Variants in AK1 observed in about 807,000 individuals in gnomAD.
The protein encoded by AK1 is adenylate kinase isoenzyme 1.
A neutral mutation model predicts 23.9 loss-of-function variants in AK1; 13 were observed. That is an observed-to-expected ratio of 0.54 (90% CI 0.35 to 0.86). The LOEUF is 0.86. Ranked by LOEUF, AK1 falls within the 40% of genes least tolerant of loss-of-function variation. The pLI, the probability that AK1 is intolerant of heterozygous loss-of-function variation, is 0.01. For synonymous variants in AK1, 97 were observed against 102.8 expected (o/e 0.94, Z 0.34); for missense variants, 214 against 255.1 (o/e 0.84, Z 1.10).
chr9:127,867,904 G>C lies in AK1; in HGVS notation c.*104C>G. 1.8e-6 allele frequency: 2 copies of C among 1,115,148 alleles called. No homozygotes were observed. Among genetic ancestry groups the C allele is most frequent in the East Asian group, 4.7e-5 (2 of 42,464 alleles). 69.1% of individuals were successfully genotyped at this position (1,115,148 alleles called of 1,614,324 possible). Reference sequence around the variant, plus strand: ...ACAGGATAAGCGGCTTCCTCCGTCTGTGCTCAGCAGGGCAGGGTGGAGGCG... The same window carrying C: ...ACAGGATAAGCGGCTTCCTCCGTCTCTGCTCAGCAGGGCAGGGTGGAGGCG... On this transcript the variant is annotated 3_prime_UTR_variant, in exon 7 of 7. Coordinates refer to ENST00000644144, the MANE Select transcript of AK1 (RefSeq NM_000476.3).
chr9:127,872,127 T>C (rs1017037661), intron 4 of AK1, among the ~76,000 whole-genome samples, 188 bp from the exon 5 acceptor site: 3 of 152,158 alleles, frequency 2.0e-5, no homozygotes, highest in Non-Finnish European at 2.9e-5. Flanking sequence ...AATGAATGAA[T>C]GATGCATTCA....
At chr9:127,878,833 G>T (rs1715233416), upstream of AK1, among the ~76,000 whole-genome samples, 1 of 152,184 alleles carries the variant, frequency 6.6e-6, no homozygotes, top group African/African-American at 2.4e-5. Context: ...GGGGTCAGAG[G>T]TGTTGCATTA....
Position 127,872,831 on chromosome 9 carries a change from G to T in AK1, c.66C>A (p.Gly22=), listed in dbSNP as rs1829447286. The change falls in exon 4 of 7, where the codon GGC becomes GGA. Residue 22 remains glycine (G), a synonymous_variant. Coordinates refer to ENST00000644144, the MANE Select transcript of AK1 (RefSeq NM_000476.3). The stretch of plus-strand genomic sequence containing the variant: ...TCTGCACGATCTTCTCACACTGGGT[G>T]CCCTTCCCTGAGCCAGGCCCACCTG... ...FVVGGPGSGK[G]TQCEKIVQKY... The T allele has an allele frequency of 6.2e-7, 1 of 1,614,096 alleles. No homozygotes were observed. The highest frequency in any genetic ancestry group is 8.5e-7 in the Non-Finnish European group (1 of 1,180,024).
At position 127,868,091 on chromosome 9, in the gene AK1, G is replaced by T; in HGVS notation, c.517-15C>A. 6.2e-7 allele frequency: 1 copy of T among 1,613,790 alleles called. No homozygotes were observed. The highest frequency in any genetic ancestry group is 8.5e-7 in the Non-Finnish European group (1 of 1,179,742). ...TCAGCGTTGACCTGTGGGGAGATGG[G>T]CCGTGAGGGCTGAGTCACCAGGTGG... On this transcript the variant is annotated splice_polypyrimidine_tract_variant and intron_variant, in intron 6 of 6. Transcript: ENST00000644144. This position sits in a 1 kb window ranked among gnomAD's most constrained non-coding sequence, Gnocchi z 4.1.
intron 2 of AK1, 86 bp from the exon 3 acceptor site, chr9:127,873,147 G>A (rs754761796): frequency 1.5e-4 from 238 of 1,565,170 alleles, no homozygotes; most frequent in Middle Eastern, 5.0e-4. Flanking sequence ...CCTGTGCTGG[G>A]CCCCAGGCGG....
In AK1 at chr9:127,874,638, C is replaced by T. The variant is rs1402383449; in HGVS notation, c.-21G>A. ...TCCATCCTGCCGAGGTCCCGGGAGC[C>T]GTGTCAGTGCTCTGTAAGACAAGGG... On this transcript the variant is annotated 5_prime_UTR_variant, in exon 2 of 7. Transcript: ENST00000644144. The T allele has an allele frequency of 2.5e-6, 4 of 1,613,842 alleles. No individual in the cohort carries two copies. Among genetic ancestry groups the T allele is most frequent in the Middle Eastern group, 1.7e-4 (1 of 5,960 alleles).
In AK1 at chr9:127,876,471, TAGC is replaced by T. The variant is rs1188589796; in HGVS notation, c.-33+1149_-33+1151del. On this transcript the variant is annotated intron_variant, in intron 1 of 6. Coordinates refer to ENST00000644144, the MANE Select transcript of AK1 (RefSeq NM_000476.3). ...CTGCTACGCTGGGCCTGGCACCCAG[TAGC>T]AGCTGAAGTGGCTTTGCTGATGCCC... Among the ~76,000 whole-genome samples the T allele has an allele frequency of 3.3e-5, 5 of 152,282 alleles. No individual in the cohort carries two copies. The East Asian group carries it at 9.7e-4, about 29-fold the overall frequency.
upstream of AK1, chr9:127,878,363 A>G (rs1015385620): frequency 6.6e-6 from 1 of 152,266 alleles, no homozygotes; most frequent in Non-Finnish European, 1.5e-5. Context: ...GATAAGAAGA[A>G]TAGCTCCCAT....
rs773795388 is a variant in AK1 at position 127,867,977 on chromosome 9, G to A, written c.*31C>T. 24 of 1,611,174 alleles carry A rather than the reference G, an allele frequency of 1.5e-5. 2 individuals are homozygous for A. In the South Asian group the frequency reaches 2.4e-4, roughly 16 times the overall value. On this transcript the variant is annotated 3_prime_UTR_variant, in exon 7 of 7. Coordinates refer to ENST00000644144, the MANE Select transcript of AK1 (RefSeq NM_000476.3). Reference sequence around the variant, plus strand: ...TCGAATCAGGACGGGGTGGGGCGGGGCTCTGAGCTGGGGAAGCGGCTCCAG... The same window carrying A: ...TCGAATCAGGACGGGGTGGGGCGGGACTCTGAGCTGGGGAAGCGGCTCCAG...
chr9:127,876,990 T>C (rs1327379368), intron 1 of AK1, among the ~76,000 whole-genome samples: 1 of 152,188 alleles, frequency 6.6e-6, no homozygotes, highest in East Asian at 1.9e-4. Context: ...GGGTGGCAAC[T>C]GACTAGGGTT....
At chr9:127,873,875 C>G in intron 2 of AK1, 2 of 985,414 alleles carry the variant, frequency 2.0e-6, no homozygotes, top group Non-Finnish European at 2.4e-6. Flanking sequence ...CTCTGGTTCT[C>G]TGCCCCTTCC....
Position 127,874,632 on chromosome 9 carries a change from G to A in AK1, c.-15C>T, listed in dbSNP as rs746060325. On this transcript the variant is annotated 5_prime_UTR_variant, in exon 2 of 7. Transcript: ENST00000644144. Reference sequence around the variant, plus strand: ...ATACCTTCCATCCTGCCGAGGTCCCGGGAGCCGTGTCAGTGCTCTGTAAGA... The same window carrying A: ...ATACCTTCCATCCTGCCGAGGTCCCAGGAGCCGTGTCAGTGCTCTGTAAGA... The A allele has an allele frequency of 1.5e-5, 24 of 1,613,628 alleles. No individual in the cohort carries two copies. Among genetic ancestry groups the A allele is most frequent in the African/African-American group, 2.7e-5 (2 of 74,906 alleles).
rs1360067831 is a variant in AK1 at position 127,868,949 on chromosome 9, C to A, written c.325-437G>T. Among the ~76,000 whole-genome samples, 1 of 152,178 alleles carries A rather than the reference C, an allele frequency of 6.6e-6. No homozygotes were observed. Among genetic ancestry groups the A allele is most frequent in the Non-Finnish European group, 1.5e-5 (1 of 68,032 alleles). Reference sequence around the variant, plus strand: ...ATGCCACCCCCCGCCCCCCAGTACTCCCCGCCTCCTGGAACAGGCTCTTCC... The same window carrying A: ...ATGCCACCCCCCGCCCCCCAGTACTACCCGCCTCCTGGAACAGGCTCTTCC... On this transcript the variant is annotated intron_variant, in intron 5 of 6. Transcript: ENST00000644144. The surrounding 1 kb of genome is among the most constrained non-coding windows in gnomAD (Gnocchi z 4.1).
intron 5 of AK1, among the ~76,000 whole-genome samples, chr9:127,869,063 A>G (rs1053688076): frequency 1.3e-5 from 2 of 152,186 alleles, no homozygotes; most frequent in African/African-American, 2.4e-5. Context: ...CCTTTGACAA[A>G]GGAACAAGGG....
Position 127,868,667 on chromosome 9 carries a change from C to T in AK1, c.325-155G>A, listed in dbSNP as rs1284864882. On this transcript the variant is annotated intron_variant, in intron 5 of 6. Coordinates refer to ENST00000644144, the MANE Select transcript of AK1 (RefSeq NM_000476.3). This position sits in a 1 kb window ranked among gnomAD's most constrained non-coding sequence, Gnocchi z 4.1. ...AAAGACCTTCCTAAAACCAATCTTT[C>T]CTGCCACTCCCCTGCTCAAACCTAC... Among the ~76,000 whole-genome samples, 1 of 152,122 alleles carries T rather than the reference C, an allele frequency of 6.6e-6. No homozygotes were observed. Among genetic ancestry groups the T allele is most frequent in the Non-Finnish European group, 1.5e-5 (1 of 67,996 alleles).
chr9:127,874,553 C>T, intron 2 of AK1, 58 bp downstream of exon 2: 1 of 1,612,360 alleles, frequency 6.2e-7, no homozygotes, highest in South Asian at 1.1e-5. Context: ...AGCGCACCCC[C>T]TTAATAGTCA....
intron 2 of AK1, chr9:127,873,444 C>A: frequency 6.5e-7 from 1 of 1,542,698 alleles, no homozygotes. Flanking sequence ...GGAGCAGCAG[C>A]CCATGGTCCC....
upstream of AK1, among the ~76,000 whole-genome samples, chr9:127,879,351 G>A (rs1235519836): frequency 4.6e-5 from 7 of 151,980 alleles, no homozygotes; most frequent in African/African-American, 7.3e-5. Flanking sequence ...AAGGCTGGGC[G>A]CGGTGGCTCA....
At chr9:127,875,364 C>G (rs946835005) in intron 1 of AK1, among the ~76,000 whole-genome samples, 1 of 151,516 alleles carries the variant, frequency 6.6e-6, no homozygotes, top group Admixed American at 6.6e-5. Flanking sequence ...GCGACCCCAC[C>G]CTGTGCTGCC....
Sources: allele counts gnomAD v4.1 joint callset (sites outside exome capture counted in the v4.1 genomes callset), GRCh38; gene constraint gnomAD v4.1.1; non-coding constraint Gnocchi (gnomAD v3.1); transcripts MANE v1.5; gene names NCBI Gene and HGNC (gene_info 2026-07-23, HGNC 2026-07-21).